ADGRE1: variants seen among roughly 807,000 people sequenced by gnomAD.
ADGRE1 encodes the protein adhesion G protein-coupled receptor E1.
In ADGRE1, 82 loss-of-function variants were observed where a neutral mutation model predicts 102.7. The observed-to-expected ratio is 0.80, with a 90% CI of 0.67 to 0.96. ADGRE1 has a LOEUF of 0.96. Ranked by LOEUF, ADGRE1 falls within the 40% of genes least tolerant of loss-of-function variation. The pLI is 0.00. For synonymous variants in ADGRE1, 398 were observed against 399.6 expected (o/e 1.00, Z 0.05); for missense variants, 1,032 against 1,085.3 (o/e 0.95, Z 0.69).
intron 6 of ADGRE1, among the ~76,000 whole-genome samples, chr19:6,903,122 C>T (rs1342692600): frequency 5.3e-5 from 8 of 152,198 alleles, no homozygotes; most frequent in Non-Finnish European, 1.5e-5. Context: ...CATACTTATA[C>T]CTACTTTTAA....
chr19:6,896,492 G>A lies in ADGRE1; in HGVS notation c.189G>A (p.Leu63=). The A allele has an allele frequency of 1.2e-6, 2 of 1,614,118 alleles. No homozygotes were observed. Among genetic ancestry groups the A allele is most frequent in the Non-Finnish European group, 1.7e-6 (2 of 1,179,988 alleles). Reference sequence around the variant, plus strand: ...ATTGCGCTTGCAAACAAGGCTTCCTGTCCAGCAATGGGCAAAATCACTTCA... The same window carrying A: ...ATTGCGCTTGCAAACAAGGCTTCCTATCCAGCAATGGGCAAAATCACTTCA... ...SYYCACKQGF[L]SSNGQNHFKD... The change falls in exon 3 of 21, where the codon CTG becomes CTA. Residue 63 remains leucine (L), a synonymous_variant. Transcript: ENST00000312053.
At chr19:6,901,838 A>G (rs773205522) in intron 5 of ADGRE1, 37 bp from the exon 6 acceptor site, 2 of 1,610,350 alleles carry the variant, frequency 1.2e-6, no homozygotes, top group South Asian at 1.1e-5. Context: ...TTGCTTTCTC[A>G]TTTACCTTGA....
intron 8 of ADGRE1, 32 bp downstream of exon 8, chr19:6,904,214 A>G: frequency 6.2e-7 from 1 of 1,607,524 alleles, no homozygotes; most frequent in Non-Finnish European, 8.5e-7. Flanking sequence ...TTGGCAATGG[A>G]ATCTGTTTCT....
In ADGRE1 at chr19:6,927,081, T is replaced by C. The variant is rs571659762; in HGVS notation, c.2222+480T>C. On this transcript the variant is annotated intron_variant, in intron 16 of 20. Transcript: ENST00000312053. The stretch of plus-strand genomic sequence containing the variant: ...TCTCAGAAAAAAGTGGGGGGAATAT[T>C]GGGGTGCTGTTATTGAACATGACGG... Among the ~76,000 whole-genome samples, 541 of 151,964 alleles carry C rather than the reference T, an allele frequency of 3.6e-3. 1 individual carries two copies. Among genetic ancestry groups the C allele is most frequent in the Middle Eastern group, 0.01 (3 of 294 alleles).
rs892675383 is a variant in ADGRE1 at position 6,929,526 on chromosome 19, T to G, written c.2289+1315T>G. On this transcript the variant is annotated intron_variant, in intron 17 of 20. Coordinates refer to ENST00000312053, the MANE Select transcript of ADGRE1 (RefSeq NM_001974.5). Reference sequence around the variant, plus strand: ...AAAGGGAAGACGGAGCTGCCATTTTTTTTTTCTTTTTTTTTAGACGGAGTC... The same window carrying G: ...AAAGGGAAGACGGAGCTGCCATTTTGTTTTTCTTTTTTTTTAGACGGAGTC... Among the ~76,000 whole-genome samples, 104 of 152,040 alleles carry G rather than the reference T, an allele frequency of 6.8e-4. No individual in the cohort carries two copies. In the Middle Eastern group the frequency reaches 0.01, roughly 15 times the overall value.
At chr19:6,888,312 A>G (rs1973222429) in intron 1 of ADGRE1, among the ~76,000 whole-genome samples, 1 of 152,170 alleles carries the variant, frequency 6.6e-6, no homozygotes, top group Admixed American at 6.5e-5. Context: ...TGTTGAAGGG[A>G]GAAGTCTGGG....
intron 2 of ADGRE1, among the ~76,000 whole-genome samples, chr19:6,893,259 G>T (rs534650941): frequency 4.6e-4 from 70 of 152,124 alleles, no homozygotes; most frequent in Admixed American, 3.2e-3. Flanking sequence ...GTGCAATGGC[G>T]CAATCTTGGG....
intron 14 of ADGRE1, among the ~76,000 whole-genome samples, chr19:6,923,101 T>C (rs1460623294): frequency 6.6e-6 from 1 of 152,114 alleles, no homozygotes; most frequent in Non-Finnish European, 1.5e-5. Flanking sequence ...TATCCTTTCC[T>C]ATCATGGTAG....
intron 18 of ADGRE1, among the ~76,000 whole-genome samples, chr19:6,936,191 G>GT (rs1975393898): frequency 6.6e-6 from 1 of 151,974 alleles, no homozygotes; most frequent in African/African-American, 2.4e-5. Context: ...ATTCCCAGCA[G>GT]TTTGGGAGGC....
chr19:6,919,953 A>T (rs1974572132), intron 13 of ADGRE1, among the ~76,000 whole-genome samples: 5 of 152,192 alleles, frequency 3.3e-5, no homozygotes, highest in Admixed American at 2.6e-4. Flanking sequence ...CCATTTGCCC[A>T]TGTGCAACAG....
At chr19:6,935,138 G>A (rs1396533504) in intron 18 of ADGRE1, 60 bp downstream of exon 18, 4 of 1,408,134 alleles carry the variant, frequency 2.8e-6, no homozygotes, top group East Asian at 2.5e-5. Flanking sequence ...TCCCAGAAAA[G>A]TTCTTTGAGC....
intron 2 of ADGRE1, 103 bp downstream of exon 2, chr19:6,890,646 A>C (rs1377229798): frequency 3.5e-5 from 43 of 1,235,080 alleles, no homozygotes; most frequent in Non-Finnish European, 4.7e-5. Context: ...GCTTGCTGGG[A>C]GCTAGTTAGC....
intron 10 of ADGRE1, among the ~76,000 whole-genome samples, chr19:6,911,491 G>A (rs991016587): frequency 7.5e-6 from 1 of 133,296 alleles, no homozygotes; most frequent in African/African-American, 2.8e-5. Flanking sequence ...TATTACTATT[G>A]TTGTTATTGT....
At chr19:6,915,157 C>T (rs1256675468) in intron 11 of ADGRE1, among the ~76,000 whole-genome samples, 1 of 151,902 alleles carries the variant, frequency 6.6e-6, no homozygotes, top group Non-Finnish European at 1.5e-5. Flanking sequence ...TAGGTGTGCA[C>T]CACCATGCTT....
intron 5 of ADGRE1, among the ~76,000 whole-genome samples, chr19:6,900,508 T>C (rs971104660): frequency 6.6e-6 from 1 of 152,218 alleles, no homozygotes; most frequent in East Asian, 1.9e-4. Context: ...TAAATAAATA[T>C]GTGTTGAATT....
rs764858129 is a variant in ADGRE1, at chr19:6,921,710, T to C, written c.1621-3T>C. ...TGTTTTTTTGTTTTTTTGTTTTTTT[T>C]AGCCAAAGCAGAAGTTTGAGAGGCC... On this transcript the variant is annotated splice_region_variant and splice_polypyrimidine_tract_variant and intron_variant, in intron 13 of 20. Coordinates refer to ENST00000312053, the MANE Select transcript of ADGRE1 (RefSeq NM_001974.5). The C allele has an allele frequency of 6.3e-7, 1 of 1,585,002 alleles. No individual in the cohort carries two copies. The highest frequency in any genetic ancestry group is 8.6e-7 in the Non-Finnish European group (1 of 1,168,780).
intron 17 of ADGRE1, among the ~76,000 whole-genome samples, chr19:6,932,590 T>C (rs1266227750): frequency 1.3e-5 from 2 of 152,258 alleles, no homozygotes; most frequent in African/African-American, 2.4e-5. Flanking sequence ...AAACTCAAAG[T>C]TGATCCTGAT....
intron 12 of ADGRE1, 42 bp downstream of exon 12, chr19:6,916,410 A>C: frequency 6.3e-7 from 1 of 1,587,190 alleles, no homozygotes; most frequent in Non-Finnish European, 8.6e-7. Context: ...GGTGTATTCC[A>C]TCAATAAGTA....
At chr19:6,898,715 G>C in intron 5 of ADGRE1, 1 of 797,322 alleles carries the variant, frequency 1.3e-6, no homozygotes, top group Non-Finnish European at 2.0e-6. Context: ...TTATTTACCT[G>C]CTTAATTAAT....
Sources: gnomAD v4.1 joint callset for allele counts (sites outside exome capture counted in the v4.1 genomes callset) on GRCh38, gnomAD v4.1.1 for gene constraint, MANE v1.5 for transcripts, NCBI Gene and HGNC (gene_info 2026-07-23, HGNC 2026-07-21) for gene names.